The following THRB variants were observed in gnomAD, a reference collection of about 807,000 sequenced individuals.
THRB encodes the protein thyroid hormone receptor beta.
In THRB, 12 loss-of-function variants were observed where a neutral mutation model predicts 47.8. The observed-to-expected ratio is 0.25, with a 90% CI of 0.16 to 0.41. The LOEUF (loss-of-function observed/expected upper bound fraction) is 0.41. Among genes scored for constraint, THRB ranks in the 10% least tolerant of loss-of-function variants. THRB has a pLI of 1.00. For synonymous variants in THRB, 218 were observed against 212.2 expected (o/e 1.03, Z -0.24); for missense variants, 348 against 589.2 (o/e 0.59, Z 4.24).
intron 1 of THRB, among the ~76,000 whole-genome samples, chr3:24,360,050 C>T (rs1282658115): frequency 1.3e-5 from 2 of 152,150 alleles, no homozygotes; most frequent in Admixed American, 1.3e-4. Context: ...AATCCAAGGC[C>T]TTATTTCAAA....
At chr3:24,490,003 T>A (rs1222113985) in intron 1 of THRB, among the ~76,000 whole-genome samples, 1 of 152,058 alleles carries the variant, frequency 6.6e-6, no homozygotes, top group African/African-American at 2.4e-5. Flanking sequence ...GCTATAGAAA[T>A]CACAAACAAT....
chr3:24,456,051 A>C (rs987067289), intron 1 of THRB, among the ~76,000 whole-genome samples: 1 of 152,228 alleles, frequency 6.6e-6, no homozygotes, highest in Non-Finnish European at 1.5e-5. Context: ...AAGTTCGGCC[A>C]GGCATGATGG....
chr3:24,452,108 G>T (rs2072722076), intron 1 of THRB, among the ~76,000 whole-genome samples: 1 of 152,192 alleles, frequency 6.6e-6, no homozygotes. Flanking sequence ...TTGGGGGCTG[G>T]GGAGTAAGCT....
intron 1 of THRB, among the ~76,000 whole-genome samples, chr3:24,386,717 T>A (rs892214514): frequency 2.6e-5 from 4 of 152,176 alleles, no homozygotes; most frequent in African/African-American, 9.6e-5. Flanking sequence ...AATTTTGTGA[T>A]AAGACACCAG....
chr3:24,413,604 C>T (rs1008167247), intron 1 of THRB, among the ~76,000 whole-genome samples: 7 of 151,264 alleles, frequency 4.6e-5, no homozygotes, highest in Non-Finnish European at 7.4e-5. Flanking sequence ...TTCTAGGGTA[C>T]GTGTACACAA....
intron 3 of THRB, among the ~76,000 whole-genome samples, chr3:24,233,556 A>AAAGGAAGG (rs751202991): frequency 0.019 from 596 of 32,180 alleles, 1 homozygote; most frequent in Non-Finnish European, 0.033. Flanking sequence ...AAAGAAAGAA[A>AAAGGAAGG]AAGGAAGAAA....
Position 24,442,383 on chromosome 3 carries a change from A to T in THRB, c.-261+52269T>A, listed in dbSNP as rs578029856. Among the ~76,000 whole-genome samples the T allele has an allele frequency of 1.5e-3, 235 of 152,350 alleles. 2 individuals carry two copies. The highest frequency in any genetic ancestry group is 3.4e-3 in the Middle Eastern group (1 of 294). On this transcript the variant is annotated intron_variant, in intron 1 of 10. Coordinates refer to ENST00000646209, the MANE Select transcript of THRB (RefSeq NM_001354712.2). ...TTGTTAGTGGTGGAGCTGGGATATG[A>T]ATCCAGGTAGAATATTCTGCAACAG...
chr3:24,353,589 C>G (rs982259305), intron 1 of THRB, among the ~76,000 whole-genome samples: 1 of 152,008 alleles, frequency 6.6e-6, no homozygotes, highest in Non-Finnish European at 1.5e-5. Context: ...GTGGATATCA[C>G]CAAAGGCTCA....
intron 3 of THRB, among the ~76,000 whole-genome samples, chr3:24,296,744 A>T (rs2056478119): frequency 6.6e-6 from 1 of 152,106 alleles, no homozygotes; most frequent in Admixed American, 6.5e-5. Flanking sequence ...AGCACCAAGG[A>T]GGGGGAGGAT....
At chr3:24,158,548 C>T (rs1311253805) in intron 5 of THRB, among the ~76,000 whole-genome samples, 4 of 152,030 alleles carry the variant, frequency 2.6e-5, no homozygotes, top group Non-Finnish European at 4.4e-5. Flanking sequence ...CCTGCCTCAG[C>T]CTCCTGAGTC....
In THRB at chr3:24,131,423, A is replaced by G. The variant is rs575718074; in HGVS notation, c.885+1893T>C. Reference sequence around the variant, plus strand: ...GAAGCTCCATGGCCAACACAGAGATATAAGTCAAAGTCCCTTCCTCAGTAT... The same window carrying G: ...GAAGCTCCATGGCCAACACAGAGATGTAAGTCAAAGTCCCTTCCTCAGTAT... On this transcript the variant is annotated intron_variant, in intron 9 of 10. Transcript: ENST00000646209. 2.8e-4 allele frequency among the ~76,000 whole-genome samples: 42 copies of G among 152,246 alleles called. 1 individual carries two copies. The highest frequency in any genetic ancestry group is 5.4e-4 in the Non-Finnish European group (37 of 68,040).
chr3:24,266,552 C>G (rs934857730), intron 3 of THRB, among the ~76,000 whole-genome samples: 4 of 152,060 alleles, frequency 2.6e-5, no homozygotes, highest in African/African-American at 9.7e-5. Context: ...GGGCTCTGAC[C>G]CAAATTAGTG....
At chr3:24,426,301 TA>T (rs1193004927) in intron 1 of THRB, among the ~76,000 whole-genome samples, 1 of 151,954 alleles carries the variant, frequency 6.6e-6, no homozygotes, top group African/African-American at 2.4e-5. Context: ...GTAGGGACTA[TA>T]ACTGCTATAG....
intron 1 of THRB, among the ~76,000 whole-genome samples, chr3:24,363,771 A>G (rs1316279699): frequency 3.3e-5 from 5 of 152,216 alleles, no homozygotes; most frequent in Admixed American, 2.0e-4. Context: ...ATTAATTTCA[A>G]GTAATACACT....
chr3:24,173,472 A>G (rs554367108), intron 5 of THRB, among the ~76,000 whole-genome samples: 58 of 152,304 alleles, frequency 3.8e-4, no homozygotes, highest in African/African-American at 1.3e-3. Flanking sequence ...CCAGTACCAT[A>G]ATACACAACA....
At chr3:24,449,293 C>T (rs1298500660) in intron 1 of THRB, among the ~76,000 whole-genome samples, 1 of 152,020 alleles carries the variant, frequency 6.6e-6, no homozygotes, top group Non-Finnish European at 1.5e-5. Context: ...ATATATATGA[C>T]CCATTTCTGA....
At chr3:24,255,279 G>C (rs1304987893) in intron 3 of THRB, among the ~76,000 whole-genome samples, 1 of 152,090 alleles carries the variant, frequency 6.6e-6, no homozygotes, top group Non-Finnish European at 1.5e-5. Context: ...TTCTTTGAGT[G>C]CCTTTTACTG....
intron 2 of THRB, among the ~76,000 whole-genome samples, chr3:24,303,528 G>T (rs534010009): frequency 6.6e-6 from 1 of 152,298 alleles, no homozygotes; most frequent in Admixed American, 6.5e-5. Context: ...GAGCTGCTGA[G>T]ATGATCTATA....
In THRB at chr3:24,485,946, T is replaced by C. The variant is rs146855443; in HGVS notation, c.-261+8706A>G. ...TATTTCATTTAATCTCCACATATGA[T>C]AGATGAGGAAACTGAACACATGCAA... On this transcript the variant is annotated intron_variant, in intron 1 of 10. Transcript: ENST00000646209. Among the ~76,000 whole-genome samples, 50 of 152,284 alleles carry C rather than the reference T, an allele frequency of 3.3e-4. 2 individuals are homozygous for C. The East Asian group carries it at 9.5e-3, about 29-fold the overall frequency.
Sources: allele counts gnomAD v4.1 joint callset (sites outside exome capture counted in the v4.1 genomes callset), GRCh38; gene constraint gnomAD v4.1.1; transcripts MANE v1.5; gene names NCBI Gene and HGNC (gene_info 2026-07-23, HGNC 2026-07-21).